Variants in RBM11 observed in about 807,000 individuals in gnomAD.
RBM11 encodes the protein RNA binding motif protein 11.
In RBM11, 18 loss-of-function variants were observed where a neutral mutation model predicts 21.4. The observed-to-expected ratio is 0.84, with a 90% CI of 0.58 to 1.25. The LOEUF is 1.25. Among genes scored for constraint, RBM11 ranks in the 50% most tolerant of loss-of-function variants. The pLI is 0.00. For missense variants in RBM11, 294 were observed against 331.9 expected (o/e 0.89, Z 0.89); for synonymous variants, 120 against 116.3 (o/e 1.03, Z -0.20).
chr21:14,225,056 G>T (rs1013097747), intron 4 of RBM11, among the ~76,000 whole-genome samples: 3 of 152,024 alleles, frequency 2.0e-5, no homozygotes, highest in South Asian at 2.1e-4. Context: ...GGTGGAGGTC[G>T]CAGTGAGCCA....
At chr21:14,216,310 G>T (rs758923953) in intron 1 of RBM11, 28 bp downstream of exon 1, 2 of 1,598,548 alleles carry the variant, frequency 1.3e-6, no homozygotes, top group African/African-American at 1.3e-5. Flanking sequence ...GGGCGGCGGA[G>T]GGGCGGAGCA....
In RBM11 at chr21:14,227,130, C is replaced by T. The variant is rs774910187; in HGVS notation, c.683C>T (p.Ser228Leu). The change falls in exon 5 of 5, where the codon TCA (serine) becomes TTA (leucine). Residue 228 changes from serine to leucine, a missense_variant. By Grantham distance (145) the Ser-to-Leu change is moderately radical (BLOSUM62 -2). Transcript: ENST00000400577. ...CCAGATCTTGAGGCTGGACCCAGCT[C>T]ATATAAATGGACTCACCAACAACCA... ...HVPDLEAGPSSYKWTHQQPSD... is the reference protein window; with the variant it reads ...HVPDLEAGPSLYKWTHQQPSD... 2.5e-6 allele frequency: 4 copies of T among 1,613,400 alleles called. No homozygotes were observed. In the Admixed American group the frequency reaches 6.7e-5, roughly 27 times the overall value.
rs767760971 is a variant in RBM11, at chr21:14,227,187, G to T, written c.740G>T (p.Arg247Leu). Reference protein sequence around the residue: ...SDSDLYQMNKRKRQKQTSDSD... With the variant: ...SDSDLYQMNKLKRQKQTSDSD... ...TCTGACCTTTATCAGATGAATAAACGAAAGAGACAAAAGCAAACAAGTGAT... is the reference window on the plus strand; with the variant it reads ...TCTGACCTTTATCAGATGAATAAACTAAAGAGACAAAAGCAAACAAGTGAT... Residue 247 changes from arginine to leucine, a missense_variant, in exon 5 of 5, where the codon CGA (arginine) becomes CTA (leucine). Transcript: ENST00000400577. The T allele has an allele frequency of 6.2e-7, 1 of 1,613,852 alleles. No individual in the cohort carries two copies. Among genetic ancestry groups the T allele is most frequent in the South Asian group, 1.1e-5 (1 of 91,088 alleles).
At chr21:14,224,766 G>A (rs1978957622) in intron 4 of RBM11, among the ~76,000 whole-genome samples, 2 of 152,180 alleles carry the variant, frequency 1.3e-5, no homozygotes, top group Admixed American at 1.3e-4. Context: ...CGGCAGTGAC[G>A]ACATACTGCA....
chr21:14,221,131 T>C lies in RBM11; in HGVS notation c.294T>C (p.Ser98=), dbSNP rs771058936. 1 of 1,580,202 alleles carries C rather than the reference T, an allele frequency of 6.3e-7. No homozygotes were observed. Among genetic ancestry groups the C allele is most frequent in the East Asian group, 2.3e-5 (1 of 44,036 alleles). The change falls in exon 3 of 5, where the codon AGT becomes AGC. Residue 98 remains serine (S), a synonymous_variant. Transcript: ENST00000400577. ...GCTCTTCTGAACCAGCTAACCAAAG[T>C]TTTGAGAGCTGTGTTAAGATAAATT... ...SSRSSEPANQ[S]FESCVKINSH...
chr21:14,225,640 T>G (rs1979024522), intron 4 of RBM11, among the ~76,000 whole-genome samples: 1 of 147,876 alleles, frequency 6.8e-6, no homozygotes, highest in Non-Finnish European at 1.5e-5. Flanking sequence ...TCCTGTAAAT[T>G]GATACTTTTT....
At position 14,227,777 on chromosome 21, in the gene RBM11, TC is replaced by T. The variant is rs1979237545; in HGVS notation, c.*485del. ...TAATAAACAGGCATTAGTACCCCTT[TC>T]TTTTAGTACCTAAATATGTTGTTTC... On this transcript the variant is annotated 3_prime_UTR_variant, in exon 5 of 5. Transcript: ENST00000400577. 1.3e-5 allele frequency: 2 copies of T among 153,850 alleles called. No individual in the cohort carries two copies. Among genetic ancestry groups the T allele is most frequent in the Admixed American group, 6.5e-5 (1 of 15,442 alleles). 9.5% of individuals were successfully genotyped at this position (153,850 alleles called of 1,614,324 possible). A position where few individuals can be genotyped will look rare whatever the true frequency, so the allele number is the denominator to read the frequency against.
chr21:14,224,925 CCTGG>C (rs1568900979), intron 4 of RBM11, among the ~76,000 whole-genome samples: 2 of 152,234 alleles, frequency 1.3e-5, no homozygotes, highest in East Asian at 3.9e-4. Context: ...TCGAGACCAG[CCTGG>C]CCAACACAGT....
chr21:14,220,036 C>T (rs147838629), intron 2 of RBM11, among the ~76,000 whole-genome samples: 1 of 152,220 alleles, frequency 6.6e-6, no homozygotes, highest in African/African-American at 2.4e-5. Flanking sequence ...GAACTGGGGT[C>T]ACACAACTGT....
In RBM11 at chr21:14,227,520, T is replaced by C. The variant is rs1178605809; in HGVS notation, c.*227T>C. On this transcript the variant is annotated 3_prime_UTR_variant, in exon 5 of 5. Transcript: ENST00000400577. ...TATTTGTCATGATATTTTTGACCCATTGGCAACAAATAGACTATTGTCATT... is the reference window on the plus strand; with the variant it reads ...TATTTGTCATGATATTTTTGACCCACTGGCAACAAATAGACTATTGTCATT... 5 of 513,434 alleles carry C rather than the reference T, an allele frequency of 9.7e-6. No individual in the cohort carries two copies. The highest frequency in any genetic ancestry group is 1.7e-5 in the Non-Finnish European group (5 of 297,620). 31.8% of individuals were successfully genotyped at this position (513,434 alleles called of 1,614,324 possible).
rs144322235 is a variant in RBM11 at position 14,222,141 on chromosome 21, G to A, written c.332+972G>A. On this transcript the variant is annotated intron_variant, in intron 3 of 4. Transcript: ENST00000400577. ...TGGCTTCATCATGCTCTCTGGTACT[G>A]TCTGGTTAACTTACACAGGCTGATA... Among the ~76,000 whole-genome samples the A allele has an allele frequency of 1.4e-3, 210 of 151,842 alleles. 1 individual carries two copies. Among genetic ancestry groups the A allele is most frequent in the African/African-American group, 4.7e-3 (196 of 41,382 alleles).
In RBM11 at chr21:14,217,944, A is replaced by T. The variant is rs146391043; in HGVS notation, c.97-1619A>T. Among the ~76,000 whole-genome samples, 641 of 152,258 alleles carry T rather than the reference A, an allele frequency of 4.2e-3. 2 individuals carry two copies. Among genetic ancestry groups the T allele is most frequent in the Middle Eastern group, 0.024 (7 of 292 alleles). ...ATATATTATCTTCTCATTCTTTATC[A>T]GTTCCTTCTTCCACCTAAGCAAAAT... is the stretch of plus-strand genomic sequence containing the variant. On this transcript the variant is annotated intron_variant, in intron 1 of 4. Coordinates refer to ENST00000400577, the MANE Select transcript of RBM11 (RefSeq NM_144770.5).
chr21:14,223,058 A>C (rs904252460), intron 3 of RBM11, among the ~76,000 whole-genome samples: 4 of 152,184 alleles, frequency 2.6e-5, no homozygotes, highest in African/African-American at 9.7e-5. Context: ...AAGAGAAAAG[A>C]CTAGATGGGC....
intron 1 of RBM11, among the ~76,000 whole-genome samples, chr21:14,216,532 C>T (rs978169454): frequency 1.4e-4 from 21 of 152,158 alleles, no homozygotes; most frequent in Admixed American, 1.2e-3. Flanking sequence ...ACCCCCGTTT[C>T]TGATTAAGGG....
chr21:14,222,531 T>A (rs1254551091), intron 3 of RBM11, among the ~76,000 whole-genome samples: 1 of 152,192 alleles, frequency 6.6e-6, no homozygotes, highest in Non-Finnish European at 1.5e-5. Context: ...GCCAGGTTTA[T>A]CTTTCAGAGC....
Position 14,226,817 on chromosome 21 carries a change from T to C in RBM11, c.433-63T>C. On this transcript the variant is annotated intron_variant, in intron 4 of 4. Coordinates refer to ENST00000400577, the MANE Select transcript of RBM11 (RefSeq NM_144770.5). ...TGGCTATTGTATAATACATGTAAACTGTTAATTTTTTTTCCTTAACCTTTT... is the reference window on the plus strand; with the variant it reads ...TGGCTATTGTATAATACATGTAAACCGTTAATTTTTTTTCCTTAACCTTTT... 8 of 1,543,748 alleles carry C rather than the reference T, an allele frequency of 5.2e-6. No individual in the cohort carries two copies. In the East Asian group the frequency reaches 1.6e-4, roughly 30 times the overall value.
intron 4 of RBM11, among the ~76,000 whole-genome samples, chr21:14,225,991 C>A (rs182695239): frequency 6.6e-6 from 1 of 151,356 alleles, no homozygotes; most frequent in East Asian, 1.9e-4. Context: ...AATTTAAAAC[C>A]GATACTTGGT....
At chr21:14,221,414 G>T (rs1162703028) in intron 3 of RBM11, 2 of 317,146 alleles carry the variant, frequency 6.3e-6, no homozygotes, top group African/African-American at 4.4e-5. Context: ...TTTTCTACAT[G>T]CTTTTCATAG....
intron 3 of RBM11, among the ~76,000 whole-genome samples, chr21:14,224,103 A>G (rs1412474177): frequency 6.6e-6 from 1 of 152,136 alleles, no homozygotes; most frequent in Non-Finnish European, 1.5e-5. Context: ...ATGGACTAAA[A>G]CAGTCTGTCT....
Sources: gnomAD v4.1 joint callset for allele counts (sites outside exome capture counted in the v4.1 genomes callset) on GRCh38, gnomAD v4.1.1 for gene constraint, MANE v1.5 for transcripts, NCBI Gene and HGNC (gene_info 2026-07-23, HGNC 2026-07-21) for gene names.